Variants in RIC1 observed in about 807,000 individuals in gnomAD.
RIC1 encodes guanine nucleotide exchange factor subunit RIC1.
In RIC1, 88 loss-of-function variants were observed where a neutral mutation model predicts 169.0. The observed-to-expected ratio is 0.52, with a 90% CI of 0.44 to 0.62. The LOEUF (loss-of-function observed/expected upper bound fraction) is 0.62. Among genes scored for constraint, RIC1 ranks in the 20% least tolerant of loss-of-function variants. The pLI, the probability that RIC1 is intolerant of heterozygous loss-of-function variation, is 0.00. For missense variants in RIC1, 1,877 were observed against 1,725.5 expected (o/e 1.09, Z -1.56); for synonymous variants, 790 against 601.5 (o/e 1.31, Z -4.59).
intron 8 of RIC1, among the ~76,000 whole-genome samples, chr9:5,739,438 C>A (rs1183524932): frequency 6.6e-6 from 1 of 152,140 alleles, no homozygotes; most frequent in Non-Finnish European, 1.5e-5. Flanking sequence ...TATCCATTCC[C>A]ATGCCTACTC....
intron 10 of RIC1, 112 bp from the exon 11 acceptor site, chr9:5,745,819 T>C: frequency 1.1e-6 from 1 of 878,652 alleles, no homozygotes; most frequent in Non-Finnish European, 1.7e-6. Context: ...CCTTCACAAA[T>C]CATTAATAAT....
chr9:5,673,559 A>ATATATATATATATATATATAT (rs1554663256), intron 2 of RIC1, among the ~76,000 whole-genome samples: 32 of 92,680 alleles, frequency 3.5e-4, no homozygotes, highest in African/African-American at 1.5e-3. Flanking sequence ...TATATATATA[A>ATATATATATATATATATATAT]ATAAATGTTG....
chr9:5,688,022 T>C (rs1377896934), intron 2 of RIC1, among the ~76,000 whole-genome samples: 1 of 152,226 alleles, frequency 6.6e-6, no homozygotes, highest in African/African-American at 2.4e-5. Context: ...TCATCTCAGA[T>C]ATTTTAGTAT....
rs1827518403 is a variant in RIC1, at chr9:5,775,258, G to GT, written c.*1013dup. On this transcript the variant is annotated 3_prime_UTR_variant, in exon 26 of 26. Transcript: ENST00000414202. Reference sequence around the variant, plus strand: ...CTATGTAAATAGACTGCTGAATCCTGTATTACCACGGCTACTAAAAATTAG... The same window carrying GT: ...CTATGTAAATAGACTGCTGAATCCTGTTATTACCACGGCTACTAAAAATTAG... 6.6e-6 allele frequency: 1 copy of GT among 152,148 alleles called. No individual in the cohort carries two copies. Among genetic ancestry groups the GT allele is most frequent in the Non-Finnish European group, 1.5e-5 (1 of 68,028 alleles). The allele number at this position is 152,148 out of a possible 1,614,324, so 9.4% of individuals were successfully genotyped here.
intron 3 of RIC1, among the ~76,000 whole-genome samples, chr9:5,691,229 A>G (rs139088894): frequency 1.8e-3 from 268 of 152,102 alleles, no homozygotes; most frequent in Non-Finnish European, 2.6e-3. Flanking sequence ...TTATATATGT[A>G]ATATGACCAT....
At chr9:5,743,890 G>C (rs1017566688) in intron 10 of RIC1, among the ~76,000 whole-genome samples, 153 bp downstream of exon 10, 1 of 151,994 alleles carries the variant, frequency 6.6e-6, no homozygotes, top group African/African-American at 2.4e-5. Flanking sequence ...GCTCACTGCA[G>C]CCTCTCTAAG....
intron 4 of RIC1, among the ~76,000 whole-genome samples, chr9:5,718,611 T>C (rs1156749862): frequency 6.6e-6 from 1 of 152,196 alleles, no homozygotes; most frequent in Non-Finnish European, 1.5e-5. Flanking sequence ...TCCAACAGCT[T>C]AGATTTTGAA....
At chr9:5,698,667 G>T (rs1418499150) in intron 3 of RIC1, among the ~76,000 whole-genome samples, 2 of 152,152 alleles carry the variant, frequency 1.3e-5, no homozygotes, top group African/African-American at 4.8e-5. Context: ...CCAGGTTCCA[G>T]TTCAGATTCT....
intron 2 of RIC1, among the ~76,000 whole-genome samples, chr9:5,676,628 ATCAATT>A (rs767977429): frequency 2.5e-4 from 38 of 152,312 alleles, no homozygotes; most frequent in South Asian, 8.3e-4. Flanking sequence ...GCATCTCCTT[ATCAATT>A]TGTATCTTAA....
At chr9:5,726,794 A>G (rs1273867009) in intron 6 of RIC1, among the ~76,000 whole-genome samples, 1 of 152,156 alleles carries the variant, frequency 6.6e-6, no homozygotes, top group African/African-American at 2.4e-5. Context: ...AAAGGATTTT[A>G]TTTCTCCTTC....
chr9:5,738,380 A>T, intron 7 of RIC1, 70 bp from the exon 8 acceptor site: 1 of 1,032,582 alleles, frequency 9.7e-7, no homozygotes. Flanking sequence ...AAAACATAAG[A>T]GTTCTATAAT....
At chr9:5,740,750 T>C (rs1446494201) in intron 8 of RIC1, among the ~76,000 whole-genome samples, 4 of 151,982 alleles carry the variant, frequency 2.6e-5, no homozygotes, top group African/African-American at 9.7e-5. Flanking sequence ...GGGTCTGCCT[T>C]TCCCAGCCCA....
At chr9:5,665,506 G>A (rs1819699731) in intron 2 of RIC1, among the ~76,000 whole-genome samples, 1 of 152,162 alleles carries the variant, frequency 6.6e-6, no homozygotes, top group African/African-American at 2.4e-5. Flanking sequence ...GTCATTTGGA[G>A]GAGAATAGGC....
rs372325627 is a variant in RIC1 at position 5,767,429 on chromosome 9, G to T, written c.3138-1541G>T. 6.9e-4 allele frequency among the ~76,000 whole-genome samples: 103 copies of T among 149,560 alleles called. 2 individuals are homozygous for T. The South Asian group carries it at 0.019, about 28-fold the overall frequency. On this transcript the variant is annotated intron_variant, in intron 21 of 25. Transcript: ENST00000414202. ...TTCCTTCCTATGTTCTTCTGTTGTTGTCTCATTTTTTTCCTTACCTAATCC... is the reference window on the plus strand; with the variant it reads ...TTCCTTCCTATGTTCTTCTGTTGTTTTCTCATTTTTTTCCTTACCTAATCC...
chr9:5,718,861 G>C (rs951982658), intron 4 of RIC1, among the ~76,000 whole-genome samples: 1 of 152,118 alleles, frequency 6.6e-6, no homozygotes, highest in Admixed American at 6.6e-5. Context: ...TATTTTTATA[G>C]TTGGGGAAAA....
intron 6 of RIC1, among the ~76,000 whole-genome samples, chr9:5,728,504 G>C (rs1005115026): frequency 3.9e-5 from 6 of 152,238 alleles, no homozygotes; most frequent in Admixed American, 3.3e-4. Flanking sequence ...GTGAGGTGAT[G>C]CCCTGTCCTC....
chr9:5,638,206 A>T (rs967301914), intron 1 of RIC1, among the ~76,000 whole-genome samples: 1 of 152,198 alleles, frequency 6.6e-6, no homozygotes, highest in African/African-American at 2.4e-5. Context: ...CCACTTGTTC[A>T]TGATGAATGA....
intron 3 of RIC1, among the ~76,000 whole-genome samples, chr9:5,698,467 AT>A (rs1168070052): frequency 6.6e-6 from 1 of 152,228 alleles, no homozygotes; most frequent in Non-Finnish European, 1.5e-5. Context: ...ATTCATTGGA[AT>A]AGAAAACTGG....
chr9:5,757,833 G>T (rs1323208592), intron 17 of RIC1, among the ~76,000 whole-genome samples: 1 of 152,130 alleles, frequency 6.6e-6, no homozygotes, highest in Admixed American at 6.5e-5. Flanking sequence ...TAGTGCAAAG[G>T]CCCATAGACA....
Sources: allele counts gnomAD v4.1 joint callset (sites outside exome capture counted in the v4.1 genomes callset), GRCh38; gene constraint gnomAD v4.1.1; transcripts MANE v1.5; gene names NCBI Gene and HGNC (gene_info 2026-07-23, HGNC 2026-07-21).